The following CDH13 variants were observed in gnomAD, a reference collection of about 807,000 sequenced individuals.
CDH13 encodes cadherin 13.
Under a neutral mutation model 63.8 loss-of-function variants are expected in CDH13, and 24 were observed. The observed-to-expected ratio is 0.38, with a 90% confidence interval of 0.27 to 0.53. CDH13 has a LOEUF of 0.53. CDH13 is among the 20% of genes least tolerant of loss of function. The pLI, the probability that CDH13 is intolerant of heterozygous loss-of-function variation, is 0.85. For synonymous variants in CDH13, 503 were observed against 355.3 expected (o/e 1.42, Z -4.67); for missense variants, 1,049 against 903.1 (o/e 1.16, Z -2.07).
chr16:83,233,355 C>A (rs995045013), intron 5 of CDH13, among the ~76,000 whole-genome samples: 3 of 152,186 alleles, frequency 2.0e-5, no homozygotes, highest in African/African-American at 7.2e-5. Context: ...TTGGCTAGTC[C>A]TTCACAGATG....
chr16:82,643,299 A>G (rs751557342), intron 1 of CDH13, among the ~76,000 whole-genome samples: 1 of 152,218 alleles, frequency 6.6e-6, no homozygotes, highest in Non-Finnish European at 1.5e-5. Flanking sequence ...GTTCATGAGC[A>G]CACACCACCT....
At position 82,878,006 on chromosome 16, in the gene CDH13, T is replaced by G. The variant is rs537572376; in HGVS notation, c.157+19533T>G. Reference sequence around the variant, plus strand: ...TATATATGTATATATATTCTCATTCTGCTAAACTAATCGAAAGTAAGATAT... The same window carrying G: ...TATATATGTATATATATTCTCATTCGGCTAAACTAATCGAAAGTAAGATAT... On this transcript the variant is annotated intron_variant, in intron 2 of 13. Transcript: ENST00000567109. 4.0e-5 allele frequency among the ~76,000 whole-genome samples: 6 copies of G among 151,830 alleles called. No individual in the cohort carries two copies. The South Asian group carries it at 8.3e-4, about 21-fold the overall frequency.
At chr16:82,987,452 T>C (rs6565097) in intron 2 of CDH13, among the ~76,000 whole-genome samples, 130,277 of 152,188 alleles carry the variant, frequency 0.86, 56,045 homozygotes, top group East Asian at 0.97. Context: ...TCCTGGCTCA[T>C]TGCAACCTCC....
intron 10 of CDH13, among the ~76,000 whole-genome samples, chr16:83,741,013 T>C (rs1204440029): frequency 1.3e-5 from 2 of 152,206 alleles, no homozygotes; most frequent in Non-Finnish European, 1.5e-5. Flanking sequence ...CTAGAGACCA[T>C]GGCAGTCCTT....
intron 3 of CDH13, among the ~76,000 whole-genome samples, chr16:83,121,579 T>C (rs774894058): frequency 1.4e-4 from 21 of 152,246 alleles, no homozygotes; most frequent in Non-Finnish European, 2.2e-4. Context: ...GTCTTCACAG[T>C]TGCCTTATTG....
intron 1 of CDH13, among the ~76,000 whole-genome samples, chr16:82,800,366 ATTT>A (rs1018879143): frequency 4.6e-5 from 7 of 152,116 alleles, no homozygotes; most frequent in Non-Finnish European, 2.9e-5. Flanking sequence ...AAAGCTGGCT[ATTT>A]ACTTCCAAAA....
intron 4 of CDH13, among the ~76,000 whole-genome samples, chr16:83,198,745 A>G (rs1453055421): frequency 6.6e-6 from 1 of 152,194 alleles, no homozygotes; most frequent in African/African-American, 2.4e-5. Context: ...TCAGAAGCCT[A>G]TAAAAGATTC....
chr16:82,762,678 A>G (rs1436355638), intron 1 of CDH13, among the ~76,000 whole-genome samples: 1 of 152,166 alleles, frequency 6.6e-6, no homozygotes, highest in Non-Finnish European at 1.5e-5. Flanking sequence ...CAGTGGGCGT[A>G]CTGGACTTCC....
chr16:82,795,061 G>A (rs16958683), intron 1 of CDH13, among the ~76,000 whole-genome samples: 2,313 of 152,262 alleles, frequency 0.015, 35 homozygotes, highest in Middle Eastern at 0.034. Flanking sequence ...TCTCATTCAT[G>A]ATGTTTGCTT....
chr16:83,004,852 A>G (rs1913315866), intron 2 of CDH13, among the ~76,000 whole-genome samples: 1 of 152,196 alleles, frequency 6.6e-6, no homozygotes, highest in Non-Finnish European at 1.5e-5. Flanking sequence ...GTCTCCAGCA[A>G]GTTACAGCAG....
chr16:82,987,536 T>A (rs1205515755), intron 2 of CDH13, among the ~76,000 whole-genome samples: 1 of 151,954 alleles, frequency 6.6e-6, no homozygotes, highest in Non-Finnish European at 1.5e-5. Flanking sequence ...AAAACCACGC[T>A]CAGCTAATTT....
At chr16:83,277,663 T>C (rs2151852843) in intron 5 of CDH13, among the ~76,000 whole-genome samples, 1 of 152,274 alleles carries the variant, frequency 6.6e-6, no homozygotes, top group East Asian at 1.9e-4. Context: ...TGAACCAGAC[T>C]CAAAGTAGCA....
chr16:83,366,652 C>G (rs2091262925), intron 6 of CDH13, among the ~76,000 whole-genome samples: 1 of 152,018 alleles, frequency 6.6e-6, no homozygotes. Context: ...CAGATAGTCT[C>G]CTGACACCTA....
intron 9 of CDH13, among the ~76,000 whole-genome samples, chr16:83,671,749 G>C (rs1448248391): frequency 6.6e-6 from 1 of 152,152 alleles, no homozygotes; most frequent in Non-Finnish European, 1.5e-5. Context: ...AACCCTCTGT[G>C]ACCCTTGCTA....
intron 1 of CDH13, among the ~76,000 whole-genome samples, chr16:82,856,374 CAAAA>C (rs71382852): frequency 5.2e-5 from 5 of 95,892 alleles, no homozygotes; most frequent in African/African-American, 8.5e-5. Flanking sequence ...GACTCCATCT[CAAAA>C]AAAAAAAAAA....
chr16:83,728,146 G>C (rs561328778), intron 10 of CDH13, among the ~76,000 whole-genome samples: 2 of 152,280 alleles, frequency 1.3e-5, no homozygotes, highest in South Asian at 2.1e-4. Context: ...CCGCGGGCAG[G>C]CTTCAGAGCC....
At chr16:83,176,777 T>G (rs1012877031) in intron 4 of CDH13, among the ~76,000 whole-genome samples, 2 of 152,060 alleles carry the variant, frequency 1.3e-5, no homozygotes, top group Admixed American at 6.6e-5. Context: ...GAGGCAGAAG[T>G]TTAATCCCTA....
chr16:82,699,349 A>G (rs985761341), intron 1 of CDH13, among the ~76,000 whole-genome samples: 1 of 152,146 alleles, frequency 6.6e-6, no homozygotes, highest in Non-Finnish European at 1.5e-5. Context: ...TAGGGAGTGC[A>G]TTCAGCTCCA....
intron 7 of CDH13, among the ~76,000 whole-genome samples, chr16:83,591,984 T>G (rs1051582279): frequency 6.6e-6 from 1 of 152,202 alleles, no homozygotes; most frequent in African/African-American, 2.4e-5. Flanking sequence ...TGGTAGGGTA[T>G]GCCCTTCTGC....
Sources: gnomAD v4.1 joint callset for allele counts (sites outside exome capture counted in the v4.1 genomes callset) on GRCh38, gnomAD v4.1.1 for gene constraint, MANE v1.5 for transcripts, NCBI Gene and HGNC (gene_info 2026-07-23, HGNC 2026-07-21) for gene names.